The following PTMA variants were observed in gnomAD, a reference collection of about 807,000 sequenced individuals.
PTMA encodes prothymosin alpha.
PTMA carries 4 observed loss-of-function variants against 16.9 expected under a neutral mutation model. The ratio of observed to expected loss-of-function variants is 0.24; its 90% CI spans 0.12 to 0.54. The LOEUF is 0.54. Ranked by LOEUF, PTMA falls within the 20% of genes least tolerant of loss-of-function variation. The pLI is 0.95. For missense variants in PTMA, 120 were observed against 137.7 expected, an observed-to-expected ratio of 0.87 and a Z score of 0.64; for synonymous variants, 58 against 47.9, an observed-to-expected ratio of 1.21 and a Z score of -0.87.
chr2:231,712,538 AGGG>A (rs767942467), intron 4 of PTMA, 22 bp downstream of exon 4: 67 of 1,613,142 alleles, frequency 4.2e-5, no homozygotes, highest in Admixed American at 6.7e-5. Flanking sequence ...CTTGAGAAGA[AGGG>A]GGGTTTGGCA....
Position 231,711,921 on chromosome 2 carries a change from A to G in PTMA, c.149A>G (p.Asn50Ser), listed in dbSNP as rs1325331625. ...NEENGEQEAD[N>S]EVDEEEEEGG... is the part of the protein sequence containing the mutation. Reference sequence around the variant, plus strand: ...GAAAATGGGGAGCAGGAGGCTGACAATGAGGTAGACGAAGAAGAGGAAGAA... The same window carrying G: ...GAAAATGGGGAGCAGGAGGCTGACAGTGAGGTAGACGAAGAAGAGGAAGAA... Residue 50 changes from asparagine (N) to serine (S), a missense_variant, in exon 3 of 5, where the codon AAT (asparagine) becomes AGT (serine). Coordinates refer to ENST00000409115, the MANE Select transcript of PTMA (RefSeq NM_002823.5). 1 of 1,609,230 alleles carries G rather than the reference A, an allele frequency of 6.2e-7. No individual in the cohort carries two copies. Among genetic ancestry groups the G allele is most frequent in the Non-Finnish European group, 8.5e-7 (1 of 1,177,594 alleles).
intron 1 of PTMA, 98 bp downstream of exon 1, chr2:231,708,849 T>C (rs1436533310): frequency 4.2e-6 from 6 of 1,412,206 alleles, no homozygotes; most frequent in Non-Finnish European, 4.8e-6. Flanking sequence ...CCGCTGTTGC[T>C]CCCTCTCGCG....
rs1361490265 is a variant in PTMA, at chr2:231,710,007, GAGAACAC to G, written c.45+1257_45+1263del. 3 of 1,137,048 alleles carry G rather than the reference GAGAACAC, an allele frequency of 2.6e-6. No homozygotes were observed. In the African/African-American group the frequency reaches 4.8e-5, roughly 18 times the overall value. 70.4% of individuals were successfully genotyped at this position (1,137,048 alleles called of 1,614,324 possible). The stretch of plus-strand genomic sequence containing the variant: ...CAGTCCGGGAATGAGTTTGTGGGGT[GAGAACAC>G]CGTCCCCAGTGCGGGGCCTGGCTGT... On this transcript the variant is annotated intron_variant, in intron 1 of 4. Coordinates refer to ENST00000409115, the MANE Select transcript of PTMA (RefSeq NM_002823.5).
rs1339099439 is a variant in PTMA, at chr2:231,711,937, AGAGGAAGAAGGTGGG to A, written c.174_188del (p.Gly59_Glu63del). On this transcript the variant is annotated inframe_deletion, in exon 3 of 5. Transcript: ENST00000409115. ...AGGCTGACAATGAGGTAGACGAAGA[AGAGGAAGAAGGTGGG>A]GAGGAAGAGGAGGAGGAAGAAGAAG... 1.2e-6 allele frequency: 2 copies of A among 1,601,834 alleles called. No individual in the cohort carries two copies. Among genetic ancestry groups the A allele is most frequent in the East Asian group, 2.3e-5 (1 of 44,430 alleles).
intron 1 of PTMA, chr2:231,710,258 C>G (rs529922380): frequency 7.5e-7 from 1 of 1,334,676 alleles, no homozygotes; most frequent in Admixed American, 2.9e-5. Flanking sequence ...GCGACCCGCG[C>G]GCGTGCCACT....
intron 2 of PTMA, 77 bp from the exon 3 acceptor site, chr2:231,711,808 GTGGGA>G: frequency 1.3e-6 from 2 of 1,574,186 alleles, no homozygotes; most frequent in Non-Finnish European, 1.7e-6. Flanking sequence ...CCAGCCTCTG[GTGGGA>G]GGCCGGGCAT....
intron 1 of PTMA, chr2:231,710,072 C>A (rs1002196896): frequency 1.1e-5 from 13 of 1,230,388 alleles, no homozygotes; most frequent in African/African-American, 1.6e-5. Context: ...AAGGTGACTT[C>A]CCGCGAGGGC....
At chr2:231,710,935 A>G (rs1261211064) in intron 1 of PTMA, among the ~76,000 whole-genome samples, 1 of 152,086 alleles carries the variant, frequency 6.6e-6, no homozygotes, top group Admixed American at 6.5e-5. Flanking sequence ...TTATTTTTGG[A>G]ACATAACCTG....
At chr2:231,710,593 TG>T (rs2106243489) in intron 1 of PTMA, 1 of 499,996 alleles carries the variant, frequency 2.0e-6, no homozygotes, top group Admixed American at 2.4e-5. Context: ...CTGTTGGTAT[TG>T]GTGGCCGTGT....
rs896708665 is a variant in PTMA, at chr2:231,708,542, G to C, written c.-165G>C. Reference sequence around the variant, plus strand: ...GCGTGAGTCCCCCACTGGCTGCTCTGAAAAGCCATCTTTGCATTGTTCCTC... The same window carrying C: ...GCGTGAGTCCCCCACTGGCTGCTCTCAAAAGCCATCTTTGCATTGTTCCTC... On this transcript the variant is annotated 5_prime_UTR_variant, in exon 1 of 5. Coordinates refer to ENST00000409115, the MANE Select transcript of PTMA (RefSeq NM_002823.5). 1 of 801,832 alleles carries C rather than the reference G, an allele frequency of 1.2e-6. No individual in the cohort carries two copies. Among genetic ancestry groups the C allele is most frequent in the African/African-American group, 1.7e-5 (1 of 57,934 alleles). The allele number at this position is 801,832 out of a possible 1,614,324, so 49.7% of individuals were successfully genotyped here.
chr2:231,709,837 G>C (rs1242414822), intron 1 of PTMA: 2 of 219,336 alleles, frequency 9.1e-6, no homozygotes, highest in East Asian at 9.3e-5. Context: ...TCGTGCCCCT[G>C]CAGGGATTGG....
chr2:231,712,805 A>G lies in PTMA; in HGVS notation c.287A>G (p.Asp96Gly). 6.3e-7 allele frequency: 1 copy of G among 1,594,682 alleles called. No individual in the cohort carries two copies. Residue 96 changes from aspartate to glycine, a missense_variant and splice_region_variant, in exon 5 of 5, where the codon GAT becomes GGT. By Grantham distance (94) the Asp-to-Gly change is moderately conservative. Coordinates refer to ENST00000409115, the MANE Select transcript of PTMA (RefSeq NM_002823.5). ...CTTTGACAGTCTTTCTCTGCTTAGG[A>G]TGACGATGTCGATACCAAGAAGCAG... Reference protein sequence around the residue: ...TGKRAAEDDEDDDVDTKKQKT... With the variant: ...TGKRAAEDDEGDDVDTKKQKT...
rs577253094 is a variant in PTMA, at chr2:231,710,246, G to A, written c.46-1102G>A. On this transcript the variant is annotated intron_variant, in intron 1 of 4. Transcript: ENST00000409115. ...CGAGTCGAGAGCCCGGCCGACCGAC[G>A]CGCGACCCGCGCGCGTGCCACTGCA... 33 of 1,332,652 alleles carry A rather than the reference G, an allele frequency of 2.5e-5. No homozygotes were observed. In the African/African-American group the frequency reaches 4.2e-4, roughly 17 times the overall value. The allele number at this position is 1,332,652 out of a possible 1,614,324, so 82.6% of individuals were successfully genotyped here.
chr2:231,712,083 T>C lies in PTMA; in HGVS notation c.211+100T>C, dbSNP rs1367378939. On this transcript the variant is annotated intron_variant, in intron 3 of 4. Transcript: ENST00000409115. ...ATTGGGGCTCCTGGGAGTGGGACAA[T>C]GGTACTTGGGGCCAGTGGACCACAT... 2.6e-6 allele frequency: 4 copies of C among 1,532,768 alleles called. No homozygotes were observed. In the African/African-American group the frequency reaches 4.2e-5, roughly 16 times the overall value. The allele number at this position is 1,532,768 out of a possible 1,614,324, so 94.9% of individuals were successfully genotyped here. A position where few individuals can be genotyped will look rare whatever the true frequency, so the allele number is the denominator to read the frequency against.
At chr2:231,711,604 C>G in intron 2 of PTMA, 185 bp downstream of exon 2, 2 of 740,578 alleles carry the variant, frequency 2.7e-6, no homozygotes, top group Admixed American at 2.9e-5. Context: ...TTATAAAAAC[C>G]TTTCGAGCAG....
At chr2:231,712,093 G>T in intron 3 of PTMA, 110 bp downstream of exon 3, 4 of 1,524,578 alleles carry the variant, frequency 2.6e-6, no homozygotes, top group Non-Finnish European at 3.5e-6. Flanking sequence ...TGGTACTTGG[G>T]GCCAGTGGAC....
intron 1 of PTMA, 146 bp downstream of exon 1, chr2:231,708,897 G>GC: frequency 9.7e-7 from 1 of 1,028,578 alleles, no homozygotes; most frequent in Non-Finnish European, 1.4e-6. Flanking sequence ...CCCTCAGGCA[G>GC]CCCACTCTTT....
intron 2 of PTMA, chr2:231,711,682 A>G: frequency 1.0e-6 from 1 of 967,684 alleles, no homozygotes; most frequent in Non-Finnish European, 1.5e-6. Context: ...CAGGGTGGGG[A>G]AAAGCCCTTG....
rs1575348234 is a variant in PTMA, at chr2:231,708,567, C to T, written c.-140C>T. ...GAAAAGCCATCTTTGCATTGTTCCT[C>T]ATCCGCCTCCTTGCTCGCCGCAGCC... On this transcript the variant is annotated 5_prime_UTR_variant, in exon 1 of 5. Coordinates refer to ENST00000409115, the MANE Select transcript of PTMA (RefSeq NM_002823.5). 16 of 967,332 alleles carry T rather than the reference C, an allele frequency of 1.7e-5. No homozygotes were observed. Among genetic ancestry groups the T allele is most frequent in the East Asian group, 7.5e-5 (3 of 40,156 alleles). The allele number at this position is 967,332 out of a possible 1,614,324, so 59.9% of individuals were successfully genotyped here. A position where few individuals can be genotyped will look rare whatever the true frequency, so the allele number is the denominator to read the frequency against.
Sources: allele counts gnomAD v4.1 joint callset (sites outside exome capture counted in the v4.1 genomes callset), GRCh38; gene constraint gnomAD v4.1.1; transcripts MANE v1.5; gene names NCBI Gene and HGNC (gene_info 2026-07-23, HGNC 2026-07-21).